Variants in MAGED1 observed in about 807,000 individuals in gnomAD.
MAGED1 encodes MAGE family member D1, also known as melanoma-associated antigen D1.
In MAGED1, 3 loss-of-function variants were observed where a neutral mutation model predicts 54.1. That is an observed-to-expected ratio of 0.06 (90% CI 0.03 to 0.14). MAGED1 has a LOEUF of 0.14. MAGED1 is among the 10% of genes least tolerant of loss of function. MAGED1 has a pLI of 1.00. For missense variants in MAGED1, 485 were observed against 623.4 expected, an observed-to-expected ratio of 0.78 and a Z score of 2.36; for synonymous variants, 217 against 227.3, an observed-to-expected ratio of 0.95 and a Z score of 0.41.
At chrX:51,871,453 T>C (rs1157586479) in intron 1 of MAGED1, among the ~76,000 whole-genome samples, 2 of 107,839 alleles carry the variant, frequency 1.9e-5, no homozygotes, top group African/African-American at 6.8e-5. Flanking sequence ...CCCTGGTGTG[T>C]GATGTTCCCC....
At chrX:51,825,945 T>G (rs942041874) in intron 1 of MAGED1, among the ~76,000 whole-genome samples, 1 of 112,338 alleles carries the variant, frequency 8.9e-6, no homozygotes, top group Non-Finnish European at 1.9e-5. Context: ...CATAAACCTT[T>G]TAAGTAGCGT....
At chrX:51,805,655 A>AT (rs1341649192) in intron 1 of MAGED1, among the ~76,000 whole-genome samples, 2 of 109,054 alleles carry the variant, frequency 1.8e-5, no homozygotes, top group African/African-American at 6.7e-5. Flanking sequence ...TAAATAAAAA[A>AT]TTAAACAAGC....
At chrX:51,902,089 C>A in intron 12 of MAGED1, 57 bp from the exon 13 acceptor site, 1 of 484,213 alleles carries the variant, frequency 2.1e-6, no homozygotes, top group Non-Finnish European at 3.2e-6. Flanking sequence ...TATGTATATT[C>A]CTTATTATTT....
In MAGED1 at chrX:51,897,561, A is replaced by G. The variant is rs1006137150; in HGVS notation, c.1501A>G (p.Ile501Val). Residue 501 changes from isoleucine to valine, a missense_variant, in exon 6 of 13, where the codon ATC becomes GTC. Coordinates refer to ENST00000326587, the MANE Select transcript of MAGED1 (RefSeq NM_006986.4). ...CTCTCCTACAGAAATGCTGAGAGAT[A>G]TCATCCGTGAATACACTGATGTTTA... Reference protein sequence around the residue: ...PIKRSEMLRDIIREYTDVYPE... With the variant: ...PIKRSEMLRDVIREYTDVYPE... 2 of 1,207,001 alleles carry G rather than the reference A, an allele frequency of 1.7e-6. No homozygotes were observed. Among genetic ancestry groups the G allele is most frequent in the East Asian group, 5.9e-5 (2 of 33,758 alleles).
chrX:51,893,533 C>G (rs955734715), upstream of MAGED1: 1 of 113,918 alleles, frequency 8.8e-6, no homozygotes, highest in Non-Finnish European at 1.9e-5. Context: ...GGAAAGCAGG[C>G]GGGACTGACT....
chrX:51,822,188 T>A (rs1925660833), intron 1 of MAGED1, among the ~76,000 whole-genome samples: 1 of 111,812 alleles, frequency 8.9e-6, no homozygotes, highest in Non-Finnish European at 1.9e-5. Context: ...GGCTTTTATT[T>A]GTGGGTAGTG....
At chrX:51,867,240 G>A (rs1246656681) in intron 1 of MAGED1, among the ~76,000 whole-genome samples, 1 of 112,094 alleles carries the variant, frequency 8.9e-6, no homozygotes, top group Non-Finnish European at 1.9e-5. Context: ...TTTTCTGTAA[G>A]CATGTAGATG....
intron 1 of MAGED1, among the ~76,000 whole-genome samples, chrX:51,822,263 A>G (rs1490391282): frequency 8.9e-6 from 1 of 111,765 alleles, no homozygotes; most frequent in East Asian, 2.8e-4. Flanking sequence ...TTTCTTCCTA[A>G]GTCAGATTCA....
chrX:51,826,963 A>T (rs191560550), intron 1 of MAGED1, among the ~76,000 whole-genome samples: 1 of 112,820 alleles, frequency 8.9e-6, no homozygotes, highest in African/African-American at 3.2e-5. Context: ...TAATTGCCAA[A>T]ATGTAGAAAC....
intron 1 of MAGED1, among the ~76,000 whole-genome samples, chrX:51,877,795 A>G (rs1927925943): frequency 8.9e-6 from 1 of 112,007 alleles, no homozygotes; most frequent in Non-Finnish European, 1.9e-5. Flanking sequence ...CTGTGCATGT[A>G]TGTGTGTGAT....
intron 1 of MAGED1, among the ~76,000 whole-genome samples, chrX:51,874,552 T>C (rs182785283): frequency 8.9e-6 from 1 of 111,765 alleles, no homozygotes; most frequent in East Asian, 2.8e-4. Flanking sequence ...TAATCTTTAG[T>C]AATTAATATC....
intron 1 of MAGED1, among the ~76,000 whole-genome samples, chrX:51,832,543 T>C (rs1015711281): frequency 3.6e-5 from 4 of 111,144 alleles, no homozygotes; most frequent in Non-Finnish European, 7.5e-5. Flanking sequence ...CTTCCACATA[T>C]GAATGCAAAC....
chrX:51,868,299 G>A (rs782531763), intron 1 of MAGED1, among the ~76,000 whole-genome samples: 1 of 111,484 alleles, frequency 9.0e-6, no homozygotes, highest in South Asian at 3.8e-4. Context: ...GTGTGTATGA[G>A]AGAATAAGAT....
chrX:51,872,041 T>G (rs1465765823), intron 1 of MAGED1, among the ~76,000 whole-genome samples: 1 of 112,516 alleles, frequency 8.9e-6, no homozygotes, highest in East Asian at 2.8e-4. Context: ...ATGAGCATTT[T>G]TTTAATGTGT....
intron 1 of MAGED1, among the ~76,000 whole-genome samples, chrX:51,809,961 CGCT>C (rs1244612538): frequency 9.0e-6 from 1 of 111,284 alleles, no homozygotes; most frequent in Non-Finnish European, 1.9e-5. Context: ...ATGATGCTGC[CGCT>C]GCTGCTTTTT....
At chrX:51,867,272 A>G (rs1465589775) in intron 1 of MAGED1, among the ~76,000 whole-genome samples, 2 of 112,046 alleles carry the variant, frequency 1.8e-5, no homozygotes, top group African/African-American at 6.5e-5. Context: ...GCAAGAGCCT[A>G]AGCCAAGCTG....
intron 1 of MAGED1, among the ~76,000 whole-genome samples, chrX:51,871,437 A>C (rs1334427581): frequency 8.7e-5 from 9 of 103,800 alleles, no homozygotes; most frequent in Non-Finnish European, 1.4e-4. Context: ...CCCACCCCAC[A>C]ACAGGCCCTG....
At chrX:51,820,684 T>C (rs5951081) in intron 1 of MAGED1, among the ~76,000 whole-genome samples, 4,808 of 111,979 alleles carry the variant, frequency 0.043, 120 homozygotes, top group Non-Finnish European at 0.072. Context: ...TCAATAGATG[T>C]ATACATTGTG....
At chrX:51,858,429 A>T (rs1167033914) in intron 1 of MAGED1, among the ~76,000 whole-genome samples, 1 of 112,383 alleles carries the variant, frequency 8.9e-6, no homozygotes, top group Admixed American at 9.4e-5. Flanking sequence ...GAGACTCTAC[A>T]TTGGGTTCTA....
Sources: allele counts gnomAD v4.1 joint callset (sites outside exome capture counted in the v4.1 genomes callset), GRCh38; gene constraint gnomAD v4.1.1; transcripts MANE v1.5; gene names NCBI Gene and HGNC (gene_info 2026-07-23, HGNC 2026-07-21).